HEATR5A: variants seen among roughly 807,000 people sequenced by gnomAD.
HEATR5A encodes the protein HEAT repeat-containing protein 5A.
Under a neutral mutation model 218.8 loss-of-function variants are expected in HEATR5A, and 178 were observed. That is an observed-to-expected ratio of 0.81 (90% confidence interval 0.72 to 0.92). The LOEUF is 0.92. Ranked by LOEUF, HEATR5A falls within the 40% of genes least tolerant of loss-of-function variation. The pLI is 0.00. For missense variants in HEATR5A, 2,420 were observed against 2,418.9 expected (o/e 1.00, Z -0.01); for synonymous variants, 864 against 871.6 (o/e 0.99, Z 0.15).
chr14:31,300,153 C>A (rs557791448), intron 33 of HEATR5A, among the ~76,000 whole-genome samples: 1 of 152,156 alleles, frequency 6.6e-6, no homozygotes, highest in Non-Finnish European at 1.5e-5. Flanking sequence ...TCTTTCCCTA[C>A]TAATTGCCAT....
intron 22 of HEATR5A, among the ~76,000 whole-genome samples, chr14:31,328,526 G>A (rs1225073054): frequency 1.3e-5 from 2 of 151,996 alleles, no homozygotes; most frequent in South Asian, 2.1e-4. Context: ...TATGTCCTTT[G>A]CATTAGTCCA....
At position 31,313,265 on chromosome 14, in the gene HEATR5A, T is replaced by C. The variant is rs1276037345; in HGVS notation, c.4219-75A>G. The C allele has an allele frequency of 2.7e-6, 3 of 1,112,584 alleles. No individual in the cohort carries two copies. In the Admixed American group the frequency reaches 5.8e-5, roughly 22 times the overall value. 68.9% of individuals were successfully genotyped at this position (1,112,584 alleles called of 1,614,324 possible). A position where few individuals can be genotyped will look rare whatever the true frequency, so the allele number is the denominator to read the frequency against. On this transcript the variant is annotated intron_variant, in intron 27 of 35. Coordinates refer to ENST00000543095, the MANE Select transcript of HEATR5A (RefSeq NM_015473.4). Reference sequence around the variant, plus strand: ...GTGCTATAAAATTTTTATATCTTCCTGAAGAGGCAGACTTACCTTTGAGCA... The same window carrying C: ...GTGCTATAAAATTTTTATATCTTCCCGAAGAGGCAGACTTACCTTTGAGCA...
At position 31,302,295 on chromosome 14, in the gene HEATR5A, C is replaced by T; in HGVS notation, c.5464G>A (p.Val1822Ile). The change falls in exon 33 of 36, where the codon GTT becomes ATT. Residue 1822 changes from valine to isoleucine, a missense_variant and splice_region_variant. Physicochemically the swap from Val to Ile is conservative, Grantham distance 29. Coordinates refer to ENST00000543095, the MANE Select transcript of HEATR5A (RefSeq NM_015473.4). ...LTTILDCWDP[V>I]DETHQELDEV... ...ACTGCTTCCAAATAGCCTCAATTACCTGGATCCCAACAGTCAAGAATTGTT... is the reference window on the plus strand; with the variant it reads ...ACTGCTTCCAAATAGCCTCAATTACTTGGATCCCAACAGTCAAGAATTGTT... 6.3e-7 allele frequency: 1 copy of T among 1,582,396 alleles called. No individual in the cohort carries two copies.
At chr14:31,300,421 T>A (rs1899332471) in intron 33 of HEATR5A, among the ~76,000 whole-genome samples, 1 of 151,930 alleles carries the variant, frequency 6.6e-6, no homozygotes, top group Non-Finnish European at 1.5e-5. Context: ...ATGATGTCCA[T>A]GTGGAGAAAA....
In HEATR5A at chr14:31,347,882, T is replaced by C. The variant is rs917435155; in HGVS notation, c.2734A>G (p.Thr912Ala). 1 of 1,549,954 alleles carries C rather than the reference T, an allele frequency of 6.5e-7. No individual in the cohort carries two copies. Among genetic ancestry groups the C allele is most frequent in the Admixed American group, 2.1e-5 (1 of 48,504 alleles). Residue 912 changes from threonine to alanine, a missense_variant, in exon 19 of 36, where the codon ACC becomes GCC. Transcript: ENST00000543095. Reference sequence around the variant, plus strand: ...AAGGCCAATGAGTGTCCTGTTCTGGTAACCACATCCCTTGCTGATTTCAAT... The same window carrying C: ...AAGGCCAATGAGTGTCCTGTTCTGGCAACCACATCCCTTGCTGATTTCAAT... The part of the protein sequence containing the change: ...DKLKSARDVV[T>A]RTGHSLALGS...
At chr14:31,319,730 A>G (rs1031405128) in intron 25 of HEATR5A, among the ~76,000 whole-genome samples, 7 of 152,188 alleles carry the variant, frequency 4.6e-5, no homozygotes, top group Non-Finnish European at 1.0e-4. Context: ...AGTTAAAAAG[A>G]TTACAAAACC....
chr14:31,410,168 G>A (rs1348150452), intron 1 of HEATR5A, among the ~76,000 whole-genome samples: 1 of 151,994 alleles, frequency 6.6e-6, no homozygotes. Flanking sequence ...TGAAGTGTTG[G>A]GATACGTCTC....
rs377568153 is a variant in HEATR5A at position 31,388,800 on chromosome 14, T to C, written c.933+45A>G. ...GAGTCAGATACTAAAACTTTCATTA[T>C]AGGCCAGTAAGAGTTAGACTGAGAT... On this transcript the variant is annotated intron_variant, in intron 7 of 35. Transcript: ENST00000543095. 1.7e-5 allele frequency: 26 copies of C among 1,513,504 alleles called. No homozygotes were observed. The African/African-American group carries it at 2.5e-4, about 14-fold the overall frequency. 93.8% of individuals were successfully genotyped at this position (1,513,504 alleles called of 1,614,324 possible). A position where few individuals can be genotyped will look rare whatever the true frequency, so the allele number is the denominator to read the frequency against.
chr14:31,349,628 C>A (rs1030415171), intron 18 of HEATR5A, among the ~76,000 whole-genome samples, 161 bp downstream of exon 18: 3 of 152,116 alleles, frequency 2.0e-5, no homozygotes, highest in African/African-American at 7.2e-5. Flanking sequence ...CCAAGACCAG[C>A]CGGCCAATTT....
intron 12 of HEATR5A, among the ~76,000 whole-genome samples, 168 bp from the exon 13 acceptor site, chr14:31,372,077 T>C (rs950908662): frequency 2.0e-5 from 3 of 151,786 alleles, no homozygotes; most frequent in African/African-American, 7.3e-5. Context: ...TTTCTACTCC[T>C]AATCATACTT....
chr14:31,370,876 A>G (rs960034228), intron 13 of HEATR5A, among the ~76,000 whole-genome samples: 1 of 152,242 alleles, frequency 6.6e-6, no homozygotes, highest in Non-Finnish European at 1.5e-5. Context: ...GTACTATTTT[A>G]AGAAACAAAA....
At chr14:31,356,873 T>C (rs1389416194) in intron 16 of HEATR5A, among the ~76,000 whole-genome samples, 1 of 152,234 alleles carries the variant, frequency 6.6e-6, no homozygotes, top group Non-Finnish European at 1.5e-5. Context: ...TTTTCCACCT[T>C]AGACCCATCA....
intron 16 of HEATR5A, among the ~76,000 whole-genome samples, chr14:31,353,153 T>G (rs1901292677): frequency 6.6e-6 from 1 of 152,002 alleles, no homozygotes; most frequent in South Asian, 2.1e-4. Context: ...AGAGCCGCCA[T>G]TAACATTTTG....
chr14:31,389,242 A>G (rs566655892), intron 6 of HEATR5A, among the ~76,000 whole-genome samples: 8 of 152,338 alleles, frequency 5.3e-5, no homozygotes, highest in Admixed American at 3.3e-4. Context: ...GACTAAGATC[A>G]TGACCTATTG....
chr14:31,346,570 G>A (rs1464027432), intron 19 of HEATR5A, among the ~76,000 whole-genome samples: 1 of 152,126 alleles, frequency 6.6e-6, no homozygotes, highest in African/African-American at 2.4e-5. Flanking sequence ...AATGACATGT[G>A]GATAAATCAT....
rs533762956 is a variant in HEATR5A at position 31,294,004 on chromosome 14, T to C, written c.5720A>G (p.Glu1907Gly). 2.5e-6 allele frequency: 4 copies of C among 1,605,492 alleles called. No individual in the cohort carries two copies. The highest frequency in any genetic ancestry group is 1.3e-5 in the African/African-American group (1 of 74,996). ...YIYSLASCIM[E>G]KLQEIDKRKP... ...TCTCTTGTCTATTTCCTGCAGTTTT[T>C]CCATGATACAGGATGCTAAAGAGTA... Residue 1907 changes from glutamate to glycine, a missense_variant, in exon 35 of 36, where the codon GAA becomes GGA. Transcript: ENST00000543095.
At chr14:31,378,570 G>A (rs189743694) in intron 11 of HEATR5A, among the ~76,000 whole-genome samples, 29 of 152,188 alleles carry the variant, frequency 1.9e-4, no homozygotes, top group African/African-American at 5.5e-4. Flanking sequence ...GGTGGATCAC[G>A]AAGTCAGCAC....
At position 31,315,972 on chromosome 14, in the gene HEATR5A, T is replaced by C. The variant is rs1245300031; in HGVS notation, c.4039-23A>G. ...AACCTAGTTTTCAAGAAATTAAAAG[T>C]TATATTTTAAAATTATAAGTATCTC... On this transcript the variant is annotated intron_variant, in intron 26 of 35. Transcript: ENST00000543095. 7 of 1,508,334 alleles carry C rather than the reference T, an allele frequency of 4.6e-6. No individual in the cohort carries two copies. In the African/African-American group the frequency reaches 9.8e-5, roughly 21 times the overall value. The allele number at this position is 1,508,334 out of a possible 1,614,324, so 93.4% of individuals were successfully genotyped here. A position where few individuals can be genotyped will look rare whatever the true frequency, so the allele number is the denominator to read the frequency against.
chr14:31,345,585 A>G (rs576058669), intron 19 of HEATR5A, among the ~76,000 whole-genome samples: 23 of 152,390 alleles, frequency 1.5e-4, no homozygotes, highest in African/African-American at 5.5e-4. Flanking sequence ...GTTTTTAAAA[A>G]GATTCAACAA....
Sources: gnomAD v4.1 joint callset for allele counts (sites outside exome capture counted in the v4.1 genomes callset) on GRCh38, gnomAD v4.1.1 for gene constraint, MANE v1.5 for transcripts, NCBI Gene and HGNC (gene_info 2026-07-23, HGNC 2026-07-21) for gene names.